DIAPH2: variants seen among roughly 807,000 people sequenced by gnomAD.
The protein encoded by DIAPH2 is diaphanous related formin 2, also known as protein diaphanous homolog 2.
In DIAPH2, 35 loss-of-function variants were observed where a neutral mutation model predicts 92.7. That is an observed-to-expected ratio of 0.38 (90% confidence interval 0.29 to 0.50). The LOEUF is 0.50. Ranked by LOEUF, DIAPH2 falls within the 20% of genes least tolerant of loss-of-function variation. The pLI, the probability that DIAPH2 is intolerant of heterozygous loss-of-function variation, is 0.94. For synonymous variants in DIAPH2, 301 were observed against 280.4 expected (o/e 1.07, Z -0.73); for missense variants, 701 against 819.5 (o/e 0.86, Z 1.77).
chrX:97,142,034 C>T (rs942547283), intron 22 of DIAPH2, among the ~76,000 whole-genome samples: 6 of 111,541 alleles, frequency 5.4e-5, no homozygotes, highest in African/African-American at 1.9e-4. Context: ...TTTCTCTGAT[C>T]AGATAATATG....
intron 4 of DIAPH2, among the ~76,000 whole-genome samples, chrX:96,838,101 T>C (rs1250336355): frequency 1.8e-5 from 2 of 112,125 alleles, no homozygotes; most frequent in Non-Finnish European, 3.8e-5. Context: ...TCATAAATCT[T>C]TATCTTCTAA....
rs147092060 is a variant in DIAPH2 at position 97,020,767 on chromosome X, T to C, written c.2051-52174T>C. On this transcript the variant is annotated intron_variant, in intron 17 of 26. Coordinates refer to ENST00000324765, the MANE Select transcript of DIAPH2 (RefSeq NM_006729.5). ...TTCCAGGCGGGATGGAGCAGGACACTGAGAGATTGTATCATGTTACTCAGA... is the reference window on the plus strand; with the variant it reads ...TTCCAGGCGGGATGGAGCAGGACACCGAGAGATTGTATCATGTTACTCAGA... Among the ~76,000 whole-genome samples, 165 of 112,124 alleles carry C rather than the reference T, an allele frequency of 1.5e-3. 1 individual carries two copies. Among genetic ancestry groups the C allele is most frequent in the African/African-American group, 5.3e-3 (163 of 30,910 alleles).
At chrX:96,733,990 A>G (rs781008745) in intron 1 of DIAPH2, among the ~76,000 whole-genome samples, 6 of 112,084 alleles carry the variant, frequency 5.4e-5, no homozygotes, top group African/African-American at 1.9e-4. Flanking sequence ...TACTATAGAT[A>G]AAAAGTATGT....
chrX:97,104,379 T>C (rs1361672299), intron 20 of DIAPH2, among the ~76,000 whole-genome samples: 1 of 110,243 alleles, frequency 9.1e-6, no homozygotes, highest in East Asian at 2.8e-4. Flanking sequence ...TGATTTTTTT[T>C]TTTTAAGAGC....
At chrX:97,471,187 G>A (rs1028290053) in intron 26 of DIAPH2, among the ~76,000 whole-genome samples, 8 of 111,067 alleles carry the variant, frequency 7.2e-5, no homozygotes, top group Middle Eastern at 4.3e-3. Context: ...TTTGGATTCA[G>A]GAGGAAGGGG....
At chrX:97,444,227 C>T (rs1252838709) in intron 26 of DIAPH2, among the ~76,000 whole-genome samples, 2 of 110,464 alleles carry the variant, frequency 1.8e-5, no homozygotes, top group African/African-American at 6.6e-5. Context: ...CTGGTCTGTT[C>T]TATTGTTTGT....
chrX:96,787,393 G>A (rs1281192160), intron 4 of DIAPH2, among the ~76,000 whole-genome samples: 1 of 110,381 alleles, frequency 9.1e-6, no homozygotes, highest in Non-Finnish European at 1.9e-5. Flanking sequence ...AAAAATCATG[G>A]GTGATTTTTT....
chrX:97,378,843 A>C (rs768567408), intron 24 of DIAPH2, among the ~76,000 whole-genome samples: 22 of 112,209 alleles, frequency 2.0e-4, no homozygotes, highest in Non-Finnish European at 7.5e-5. Flanking sequence ...TTGCCAAATC[A>C]TTTCTCTCAG....
chrX:97,292,963 C>T (rs2068606821), intron 23 of DIAPH2, among the ~76,000 whole-genome samples: 1 of 110,971 alleles, frequency 9.0e-6, no homozygotes, highest in Non-Finnish European at 1.9e-5. Context: ...AATAGTATAA[C>T]AGACTTACCC....
At chrX:97,178,577 A>C (rs1209857305) in intron 22 of DIAPH2, among the ~76,000 whole-genome samples, 3 of 103,615 alleles carry the variant, frequency 2.9e-5, no homozygotes, top group Non-Finnish European at 5.8e-5. Context: ...CTCAGCCTCC[A>C]GAGTAGCTAG....
intron 23 of DIAPH2, among the ~76,000 whole-genome samples, chrX:97,254,843 G>A (rs1020506244): frequency 9.1e-6 from 1 of 109,714 alleles, no homozygotes; most frequent in African/African-American, 3.3e-5. Context: ...GGGACTACAG[G>A]TGCTGGCCAC....
At chrX:97,584,849 G>C (rs1456924980) in intron 26 of DIAPH2, among the ~76,000 whole-genome samples, 1 of 112,681 alleles carries the variant, frequency 8.9e-6, no homozygotes, top group South Asian at 3.7e-4. Context: ...GTGAACAATT[G>C]CAAGTTGGTC....
chrX:97,144,859 C>T (rs146659900), intron 22 of DIAPH2, among the ~76,000 whole-genome samples: 2,003 of 111,508 alleles, frequency 0.018, 104 homozygotes, highest in Admixed American at 0.15. Context: ...CTGCCTCCCG[C>T]GCTCAAGCAA....
intron 4 of DIAPH2, among the ~76,000 whole-genome samples, chrX:96,819,716 T>C (rs73250746): frequency 0.057 from 6,407 of 112,354 alleles, 205 homozygotes; most frequent in Middle Eastern, 0.16. Flanking sequence ...GCTTTAGAAG[T>C]AGACGAGACT....
chrX:96,898,698 G>GT (rs1454437682), intron 5 of DIAPH2, among the ~76,000 whole-genome samples: 1 of 107,260 alleles, frequency 9.3e-6, no homozygotes, highest in Non-Finnish European at 1.9e-5. Flanking sequence ...TCTGATGGTA[G>GT]TTCTTTTGCT....
At chrX:97,186,950 A>G (rs1034173104) in intron 22 of DIAPH2, among the ~76,000 whole-genome samples, 8 of 111,979 alleles carry the variant, frequency 7.1e-5, no homozygotes, top group Admixed American at 5.7e-4. Flanking sequence ...AAGAAAAGTT[A>G]TGTCCTTTTG....
intron 26 of DIAPH2, among the ~76,000 whole-genome samples, chrX:97,508,888 TA>T (rs754613202): frequency 9.1e-5 from 10 of 109,627 alleles, no homozygotes; most frequent in East Asian, 8.5e-4. Flanking sequence ...TTACGTAGTA[TA>T]GGGGGAAAGA....
At chrX:97,022,921 C>T (rs749899427) in intron 17 of DIAPH2, among the ~76,000 whole-genome samples, 2 of 111,065 alleles carry the variant, frequency 1.8e-5, no homozygotes, top group Non-Finnish European at 1.9e-5. Context: ...AGGTGATGCA[C>T]GTCTGTAGTC....
chrX:96,710,042 A>G (rs1746074458), intron 1 of DIAPH2, among the ~76,000 whole-genome samples: 1 of 111,785 alleles, frequency 8.9e-6, no homozygotes, highest in African/African-American at 3.2e-5. Context: ...TACGGTACTT[A>G]TCCAGGGACA....
Sources: allele counts gnomAD v4.1 joint callset (sites outside exome capture counted in the v4.1 genomes callset), GRCh38; gene constraint gnomAD v4.1.1; transcripts MANE v1.5; gene names NCBI Gene and HGNC (gene_info 2026-07-23, HGNC 2026-07-21).